ATP1B3: variants seen among roughly 807,000 people sequenced by gnomAD.
The protein encoded by ATP1B3 is sodium/potassium-transporting ATPase subunit beta-3.
In ATP1B3, 10 loss-of-function variants were observed where a neutral mutation model predicts 30.2. The ratio of observed to expected loss-of-function variants is 0.33; its 90% CI spans 0.20 to 0.56. ATP1B3 has a LOEUF of 0.56. Among genes scored for constraint, ATP1B3 ranks in the 20% least tolerant of loss-of-function variants. The pLI is 0.90. For missense variants in ATP1B3, 238 were observed against 336.7 expected (o/e 0.71, Z 2.29); for synonymous variants, 113 against 117.0 (o/e 0.97, Z 0.22).
At chr3:141,893,545 C>A (rs1224362312) in intron 1 of ATP1B3, among the ~76,000 whole-genome samples, 1 of 152,052 alleles carries the variant, frequency 6.6e-6, no homozygotes, top group Non-Finnish European at 1.5e-5. Flanking sequence ...CATAGAATAC[C>A]TGACTTGATC....
intron 1 of ATP1B3, among the ~76,000 whole-genome samples, chr3:141,888,810 T>TG (rs1933882777): frequency 1.3e-5 from 2 of 152,280 alleles, no homozygotes; most frequent in East Asian, 3.9e-4. Flanking sequence ...CACGCTGTCT[T>TG]GCTTGCCGCC....
At chr3:141,901,691 A>G (rs1158365818) in intron 1 of ATP1B3, among the ~76,000 whole-genome samples, 1 of 152,128 alleles carries the variant, frequency 6.6e-6, no homozygotes, top group Non-Finnish European at 1.5e-5. Context: ...TATCTGCTAT[A>G]TATTTATTTG....
At chr3:141,913,612 T>C in intron 3 of ATP1B3, 40 bp from the exon 4 acceptor site, 1 of 1,502,352 alleles carries the variant, frequency 6.7e-7, no homozygotes, top group African/African-American at 1.4e-5. Flanking sequence ...TTTAGTACCT[T>C]TTTTGGCTGA....
At chr3:141,909,931 A>G (rs1005428980) in intron 3 of ATP1B3, among the ~76,000 whole-genome samples, 8 of 152,154 alleles carry the variant, frequency 5.3e-5, no homozygotes, top group African/African-American at 7.2e-5. Flanking sequence ...GGAGAGAGCA[A>G]TGAAGGTTGT....
intron 1 of ATP1B3, among the ~76,000 whole-genome samples, chr3:141,903,314 A>G (rs1319579542): frequency 1.3e-5 from 2 of 152,156 alleles, no homozygotes; most frequent in Non-Finnish European, 2.9e-5. Context: ...ATTTTGGGAA[A>G]CATTCCCCTA....
intron 3 of ATP1B3, 21 bp from the exon 4 acceptor site, chr3:141,913,631 A>G (rs1356465125): frequency 1.9e-6 from 3 of 1,594,902 alleles, no homozygotes; most frequent in African/African-American, 2.7e-5. Context: ...GATCTAGCAC[A>G]CATATATGTT....
At chr3:141,885,883 A>G (rs906150187) in intron 1 of ATP1B3, among the ~76,000 whole-genome samples, 1 of 62,408 alleles carries the variant, frequency 1.6e-5, no homozygotes, top group Non-Finnish European at 2.8e-5. Flanking sequence ...GCGTTAAAAC[A>G]CACACACACA....
At chr3:141,920,395 C>T (rs1241587595) in intron 5 of ATP1B3, among the ~76,000 whole-genome samples, 3 of 151,982 alleles carry the variant, frequency 2.0e-5, no homozygotes, top group Non-Finnish European at 2.9e-5. Flanking sequence ...TGCATGGTGG[C>T]GCACACTTGT....
chr3:141,907,138 G>A, intron 2 of ATP1B3, 29 bp from the exon 3 acceptor site: 1 of 1,509,826 alleles, frequency 6.6e-7, no homozygotes, highest in East Asian at 2.3e-5. Context: ...AAGGAAATTT[G>A]ATAATCTCTC....
intron 1 of ATP1B3, among the ~76,000 whole-genome samples, chr3:141,882,677 G>A (rs1302709736): frequency 1.3e-5 from 2 of 152,136 alleles, no homozygotes; most frequent in African/African-American, 2.4e-5. Context: ...TCTGCCTCCC[G>A]GATTCAAGCG....
intron 3 of ATP1B3, among the ~76,000 whole-genome samples, chr3:141,913,193 C>G (rs1934395283): frequency 6.6e-6 from 1 of 151,728 alleles, no homozygotes; most frequent in South Asian, 2.1e-4. Flanking sequence ...GCATTCAGCT[C>G]AGTTGCTTTT....
rs1324777574 is a variant in ATP1B3 at position 141,926,519 on chromosome 3, A to G, written c.*818A>G. 6.6e-6 allele frequency: 1 copy of G among 152,184 alleles called. No individual in the cohort carries two copies. The highest frequency in any genetic ancestry group is 1.5e-5 in the Non-Finnish European group (1 of 68,034). 9.4% of individuals were successfully genotyped at this position (152,184 alleles called of 1,614,324 possible). A position where few individuals can be genotyped will look rare whatever the true frequency, so the allele number is the denominator to read the frequency against. ...AGTATATAAATTGTGAAATATAAAA[A>G]CTTGGAACTTATTCAAAGCTTCAAA... On this transcript the variant is annotated 3_prime_UTR_variant, in exon 7 of 7. Coordinates refer to ENST00000286371, the MANE Select transcript of ATP1B3 (RefSeq NM_001679.4).
chr3:141,878,349 C>T (rs1051030210), intron 1 of ATP1B3, among the ~76,000 whole-genome samples: 6 of 152,200 alleles, frequency 3.9e-5, no homozygotes, highest in African/African-American at 1.4e-4. Context: ...AGAAATAAAT[C>T]TTGCATCCAG....
chr3:141,883,080 T>G (rs1260527733), intron 1 of ATP1B3, among the ~76,000 whole-genome samples: 3 of 152,208 alleles, frequency 2.0e-5, no homozygotes, highest in African/African-American at 7.2e-5. Context: ...TATTTCCTAC[T>G]CCTTCTGGGC....
At chr3:141,924,888 G>A (rs989831823) in intron 6 of ATP1B3, among the ~76,000 whole-genome samples, 1 of 152,134 alleles carries the variant, frequency 6.6e-6, no homozygotes, top group East Asian at 1.9e-4. Flanking sequence ...GGGAGTCAGA[G>A]GTTGCAGTGA....
intron 2 of ATP1B3, among the ~76,000 whole-genome samples, chr3:141,904,703 C>CTTTTTTTTTTTTT (rs35178202): frequency 6.7e-5 from 6 of 89,372 alleles, no homozygotes; most frequent in Non-Finnish European, 1.0e-4. Context: ...TTTAAACAGT[C>CTTTTTTTTTTTTT]TTTTTTTTTT....
At chr3:141,878,970 G>C (rs1482334344) in intron 1 of ATP1B3, among the ~76,000 whole-genome samples, 1 of 152,174 alleles carries the variant, frequency 6.6e-6, no homozygotes, top group Middle Eastern at 3.2e-3. Context: ...GGGGCACCTT[G>C]TTCTAATTCT....
At chr3:141,921,300 G>A (rs1024453129) in intron 5 of ATP1B3, among the ~76,000 whole-genome samples, 1 of 152,048 alleles carries the variant, frequency 6.6e-6, no homozygotes, top group African/African-American at 2.4e-5. Context: ...TGAATTAATT[G>A]GATTACAGGT....
chr3:141,901,680 A>G (rs1934165213), intron 1 of ATP1B3, among the ~76,000 whole-genome samples: 1 of 150,052 alleles, frequency 6.7e-6, no homozygotes, highest in Admixed American at 6.7e-5. Flanking sequence ...TAGTTTGTTC[A>G]TATCTGCTAT....
Sources: gnomAD v4.1 joint callset for allele counts (sites outside exome capture counted in the v4.1 genomes callset) on GRCh38, gnomAD v4.1.1 for gene constraint, MANE v1.5 for transcripts, NCBI Gene and HGNC (gene_info 2026-07-23, HGNC 2026-07-21) for gene names.